The following ANO3 variants were observed in gnomAD, a reference collection of about 807,000 sequenced individuals.
The protein encoded by ANO3 is anoctamin 3, also known as anoctamin-3.
Under a neutral mutation model 144.8 loss-of-function variants are expected in ANO3, and 99 were observed. The ratio of observed to expected loss-of-function variants is 0.68; its 90% CI spans 0.58 to 0.81. The LOEUF (loss-of-function observed/expected upper bound fraction) is 0.81. ANO3 is among the 30% of genes least tolerant of loss of function. ANO3 has a pLI of 0.00. For synonymous variants in ANO3, 414 were observed against 392.6 expected (o/e 1.05, Z -0.64); for missense variants, 905 against 1,202.2 (o/e 0.75, Z 3.66).
intron 8 of ANO3, among the ~76,000 whole-genome samples, chr11:26,534,022 C>T (rs1849440619): frequency 6.6e-6 from 1 of 152,154 alleles, no homozygotes; most frequent in South Asian, 2.1e-4. Context: ...TGCTACTCTT[C>T]CCATGGGGAC....
At chr11:26,516,700 T>C in intron 5 of ANO3, 127 bp from the exon 6 acceptor site, 1 of 512,012 alleles carries the variant, frequency 2.0e-6, no homozygotes, top group Non-Finnish European at 3.4e-6. Flanking sequence ...TATAAATTTC[T>C]TTTAAATCAG....
At chr11:26,497,183 T>C (rs184170610) in intron 4 of ANO3, among the ~76,000 whole-genome samples, 2 of 151,730 alleles carry the variant, frequency 1.3e-5, no homozygotes, top group East Asian at 1.9e-4. Context: ...AAATCAAACA[T>C]TGAAACATGT....
chr11:26,661,803 A>C lies in ANO3; in HGVS notation c.*1359A>C, dbSNP rs1031622877. The C allele has an allele frequency of 3.9e-5, 6 of 152,112 alleles. No homozygotes were observed. Among genetic ancestry groups the C allele is most frequent in the Admixed American group, 3.3e-4 (5 of 15,238 alleles). The allele number at this position is 152,112 out of a possible 1,614,324, so 9.4% of individuals were successfully genotyped here. A position where few individuals can be genotyped will look rare whatever the true frequency, so the allele number is the denominator to read the frequency against. On this transcript the variant is annotated 3_prime_UTR_variant, in exon 27 of 27. Coordinates refer to ENST00000256737, the MANE Select transcript of ANO3 (RefSeq NM_031418.4). Reference sequence around the variant, plus strand: ...ATGAGGCAGGAGTGATGGGGCACTCAAGAAAGTTCAGAGGAGGCATAAGCT... The same window carrying C: ...ATGAGGCAGGAGTGATGGGGCACTCCAGAAAGTTCAGAGGAGGCATAAGCT...
At chr11:26,412,970 A>G (rs891644985) in intron 1 of ANO3, among the ~76,000 whole-genome samples, 7 of 151,802 alleles carry the variant, frequency 4.6e-5, no homozygotes, top group African/African-American at 1.7e-4. Flanking sequence ...GGAAATCTCC[A>G]TGTGTTTCTG....
intron 1 of ANO3, among the ~76,000 whole-genome samples, chr11:26,268,792 T>C (rs1425453743): frequency 6.6e-6 from 1 of 152,116 alleles, no homozygotes; most frequent in Non-Finnish European, 1.5e-5. Flanking sequence ...GACAACATAG[T>C]TTTCTTAATT....
At chr11:26,350,060 G>C (rs1330753014) in intron 1 of ANO3, among the ~76,000 whole-genome samples, 5 of 150,588 alleles carry the variant, frequency 3.3e-5, no homozygotes, top group South Asian at 4.4e-4. Context: ...GGAACGGAAG[G>C]GGGAGGAGAC....
chr11:26,390,470 C>A (rs531305891), intron 1 of ANO3, among the ~76,000 whole-genome samples: 1 of 152,034 alleles, frequency 6.6e-6, no homozygotes, highest in Non-Finnish European at 1.5e-5. Context: ...CTTAAAACAA[C>A]ATCTTCAATA....
At chr11:26,368,403 C>A (rs568428841) in intron 1 of ANO3, among the ~76,000 whole-genome samples, 58 of 152,248 alleles carry the variant, frequency 3.8e-4, no homozygotes, top group Middle Eastern at 3.4e-3. Context: ...CATCAACAAC[C>A]TCAATATGAA....
intron 1 of ANO3, among the ~76,000 whole-genome samples, chr11:26,363,721 G>A (rs1855987629): frequency 6.6e-6 from 1 of 151,964 alleles, no homozygotes; most frequent in South Asian, 2.1e-4. Context: ...TTTTTATATT[G>A]TTGAGGCAAA....
intron 14 of ANO3, among the ~76,000 whole-genome samples, chr11:26,592,634 G>C (rs962886006): frequency 3.3e-5 from 5 of 149,278 alleles, no homozygotes; most frequent in African/African-American, 7.5e-5. Flanking sequence ...TTGTTCTCCT[G>C]AAGGAGCTTG....
chr11:26,412,968 CCA>C (rs1857473020), intron 1 of ANO3, among the ~76,000 whole-genome samples: 1 of 151,876 alleles, frequency 6.6e-6, no homozygotes, highest in Admixed American at 6.6e-5. Context: ...AGGGAAATCT[CCA>C]TGTGTTTCTG....
At chr11:26,571,094 A>G (rs1565115274) in intron 14 of ANO3, among the ~76,000 whole-genome samples, 1 of 152,162 alleles carries the variant, frequency 6.6e-6, no homozygotes, top group Non-Finnish European at 1.5e-5. Context: ...AAAAATGTAG[A>G]GTTTGTCATA....
At chr11:26,486,066 T>C (rs1860432802) in intron 4 of ANO3, among the ~76,000 whole-genome samples, 1 of 145,608 alleles carries the variant, frequency 6.9e-6, no homozygotes. Flanking sequence ...AATTTATTTA[T>C]TTAAAAAAAA....
chr11:26,356,555 T>A (rs928292645), intron 1 of ANO3, among the ~76,000 whole-genome samples: 5 of 152,212 alleles, frequency 3.3e-5, no homozygotes, highest in African/African-American at 1.2e-4. Context: ...TTTACATTTA[T>A]GTTGTATATA....
At chr11:26,278,859 G>A (rs750221085) in intron 1 of ANO3, among the ~76,000 whole-genome samples, 1 of 152,074 alleles carries the variant, frequency 6.6e-6, no homozygotes, top group African/African-American at 2.4e-5. Flanking sequence ...CTTAATGTCT[G>A]TGTGTGTGCA....
intron 24 of ANO3, among the ~76,000 whole-genome samples, chr11:26,651,107 T>A (rs2133083331): frequency 6.6e-6 from 1 of 152,350 alleles, no homozygotes; most frequent in South Asian, 2.1e-4. Context: ...GTGAGTTTTT[T>A]CATGATCTAT....
intron 1 of ANO3, among the ~76,000 whole-genome samples, chr11:26,384,259 G>T (rs559991701): frequency 6.6e-4 from 100 of 152,110 alleles, no homozygotes; most frequent in African/African-American, 2.4e-3. Flanking sequence ...ATGTGTATAT[G>T]TACAAATTAT....
At chr11:26,634,942 T>C (rs2133043171) in intron 19 of ANO3, 71 bp from the exon 20 acceptor site, 3 of 1,281,562 alleles carry the variant, frequency 2.3e-6, no homozygotes, top group South Asian at 2.4e-5. Context: ...ATGCACTCGT[T>C]GTGATGCCTA....
chr11:26,519,545 C>T lies in ANO3; in HGVS notation c.692+2618C>T, dbSNP rs144194039. ...AACATTTACTTGTCACAGTTCTGGACGCTGGAAGTCTGAGATCAAAGTGGC... is the reference window on the plus strand; with the variant it reads ...AACATTTACTTGTCACAGTTCTGGATGCTGGAAGTCTGAGATCAAAGTGGC... On this transcript the variant is annotated intron_variant, in intron 6 of 26. Coordinates refer to ENST00000256737, the MANE Select transcript of ANO3 (RefSeq NM_031418.4). 2.9e-3 allele frequency among the ~76,000 whole-genome samples: 449 copies of T among 152,228 alleles called. 1 individual carries two copies. Among genetic ancestry groups the T allele is most frequent in the Middle Eastern group, 6.8e-3 (2 of 294 alleles).
Sources: allele counts gnomAD v4.1 joint callset (sites outside exome capture counted in the v4.1 genomes callset), GRCh38; gene constraint gnomAD v4.1.1; transcripts MANE v1.5; gene names NCBI Gene and HGNC (gene_info 2026-07-23, HGNC 2026-07-21).